Variants in TOPAZ1 observed in about 807,000 individuals in gnomAD.
TOPAZ1 encodes protein TOPAZ1.
Under a neutral mutation model 172.2 loss-of-function variants are expected in TOPAZ1, and 66 were observed. That is an observed-to-expected ratio of 0.38 (90% CI 0.31 to 0.47). TOPAZ1 has a LOEUF of 0.47. Ranked by LOEUF, TOPAZ1 falls within the 20% of genes least tolerant of loss-of-function variation. TOPAZ1 has a pLI of 0.99. For synonymous variants in TOPAZ1, 681 were observed against 683.9 expected (o/e 1.00, Z 0.07); for missense variants, 1,822 against 1,972.4 (o/e 0.92, Z 1.44).
Position 44,242,017 on chromosome 3 carries a change from G to A in TOPAZ1, c.-37G>A, listed in dbSNP as rs1264628572. ...GCACCGCGGTGGGTTCCTGCGAGCT[G>A]GTGCAGAGGGGCCCCAGCGGGCCGG... On this transcript the variant is annotated 5_prime_UTR_variant, in exon 1 of 20. Transcript: ENST00000309765. 2.0e-6 allele frequency: 3 copies of A among 1,527,258 alleles called. No homozygotes were observed. Among genetic ancestry groups the A allele is most frequent in the Middle Eastern group, 2.3e-4 (1 of 4,322 alleles). 94.6% of individuals were successfully genotyped at this position (1,527,258 alleles called of 1,614,324 possible). A position where few individuals can be genotyped will look rare whatever the true frequency, so the allele number is the denominator to read the frequency against.
rs116316873 is a variant in TOPAZ1, at chr3:44,281,055, C to G, written c.3373-913C>G. On this transcript the variant is annotated intron_variant, in intron 8 of 19. Coordinates refer to ENST00000309765, the MANE Select transcript of TOPAZ1 (RefSeq NM_001145030.2). ...CAAGGGCCAAGGGACTCTGTCATGG[C>G]TAGGATTATAGGAGTCTGCAGCCGG... 8.9e-3 allele frequency among the ~76,000 whole-genome samples: 1,355 copies of G among 152,282 alleles called. 20 individuals are homozygous for G. Among genetic ancestry groups the G allele is most frequent in the African/African-American group, 0.031 (1,308 of 41,562 alleles).
intron 8 of TOPAZ1, among the ~76,000 whole-genome samples, chr3:44,279,396 C>T (rs1165902159): frequency 1.3e-5 from 2 of 152,104 alleles, no homozygotes; most frequent in African/African-American, 4.8e-5. Context: ...GATGTTCTGT[C>T]TAATGCTGAG....
Position 44,321,019 on chromosome 3 carries a change from T to G in TOPAZ1, c.4307-8T>G, listed in dbSNP as rs1700501224. On this transcript the variant is annotated splice_polypyrimidine_tract_variant and splice_region_variant and intron_variant, in intron 16 of 19. Coordinates refer to ENST00000309765, the MANE Select transcript of TOPAZ1 (RefSeq NM_001145030.2). ...TATAAACTATTCATATTTTTTTCTT[T>G]TTGGAAGAGTCAGAGTGGATAATCA... 6.5e-7 allele frequency: 1 copy of G among 1,529,606 alleles called. No individual in the cohort carries two copies. The highest frequency in any genetic ancestry group is 1.4e-5 in the African/African-American group (1 of 72,010). The allele number at this position is 1,529,606 out of a possible 1,614,324, so 94.8% of individuals were successfully genotyped here.
chr3:44,328,250 G>T lies in TOPAZ1; in HGVS notation c.4676G>T (p.Ser1559Ile). 1.4e-6 allele frequency: 2 copies of T among 1,470,688 alleles called. No individual in the cohort carries two copies. The highest frequency in any genetic ancestry group is 9.0e-7 in the Non-Finnish European group (1 of 1,116,122). The allele number at this position is 1,470,688 out of a possible 1,614,324, so 91.1% of individuals were successfully genotyped here. A position where few individuals can be genotyped will look rare whatever the true frequency, so the allele number is the denominator to read the frequency against. The change falls in exon 19 of 20, where the codon AGT becomes ATT. Residue 1559 changes from serine (S) to isoleucine (I), a missense_variant and splice_region_variant. This residue lies in a region of TOPAZ1 where 333 missense variants were observed against 481.7 expected (regional missense o/e 0.69). Coordinates refer to ENST00000309765, the MANE Select transcript of TOPAZ1 (RefSeq NM_001145030.2). Reference sequence around the variant, plus strand: ...TTTGACCTATTATTTGATTTTTCAGGTGCTCTTTCCTTGGGTTGCTACCCA... The same window carrying T: ...TTTGACCTATTATTTGATTTTTCAGTTGCTCTTTCCTTGGGTTGCTACCCA... ...LWLKARAHYK[S>I]ALSLGCYPPL...
chr3:44,278,329 A>G (rs1699986387), intron 8 of TOPAZ1, among the ~76,000 whole-genome samples: 1 of 152,146 alleles, frequency 6.6e-6, no homozygotes, highest in African/African-American at 2.4e-5. Context: ...GTATTGACCT[A>G]TAGTTTTTAC....
At chr3:44,301,628 T>C (rs1443247441) in intron 12 of TOPAZ1, among the ~76,000 whole-genome samples, 1 of 152,214 alleles carries the variant, frequency 6.6e-6, no homozygotes, top group Admixed American at 6.5e-5. Flanking sequence ...GAGCATTTTC[T>C]GTTCGTATAT....
At position 44,323,109 on chromosome 3, in the gene TOPAZ1, C is replaced by T; in HGVS notation, c.4489C>T (p.Gln1497Ter). The change falls in exon 18 of 20, where the codon CAA becomes TAA. Residue 1497 changes from glutamine (Q) to a stop codon, truncating the protein, a stop_gained. Transcript: ENST00000309765. LOFTEE classifies it high-confidence loss of function. ...QNSQETVEVS[Q>*]YSLLFNKLLG... ...TATTCCAGAAACTGTGGAAGTCTCA[C>T]AATATAGCCTTCTTTTTAATAAGCT... The T allele has an allele frequency of 1.3e-6, 2 of 1,536,462 alleles. No individual in the cohort carries two copies. Among genetic ancestry groups the T allele is most frequent in the Non-Finnish European group, 1.8e-6 (2 of 1,140,452 alleles).
At chr3:44,257,284 C>T (rs1184194736) in intron 4 of TOPAZ1, among the ~76,000 whole-genome samples, 2 of 150,202 alleles carry the variant, frequency 1.3e-5, no homozygotes, top group African/African-American at 2.5e-5. Flanking sequence ...TGCAGTGAGC[C>T]ATGTTCGGGC....
chr3:44,277,829 T>C (rs1340924404), intron 8 of TOPAZ1, among the ~76,000 whole-genome samples: 1 of 152,134 alleles, frequency 6.6e-6, no homozygotes, highest in Non-Finnish European at 1.5e-5. Context: ...GCTTTCACCA[T>C]GTGATGTGCC....
chr3:44,297,737 A>G (rs1700215292), intron 12 of TOPAZ1, among the ~76,000 whole-genome samples: 1 of 125,610 alleles, frequency 8.0e-6, no homozygotes, highest in South Asian at 3.6e-4. Context: ...ATGCCAAGGA[A>G]TGTACCAAAA....
chr3:44,335,170 C>T (rs565707735), downstream of TOPAZ1, among the ~76,000 whole-genome samples: 1 of 152,070 alleles, frequency 6.6e-6, no homozygotes, highest in African/African-American at 2.4e-5. Context: ...TGGGATAGGG[C>T]CAAAGCTTGA....
At chr3:44,288,640 G>C (rs555160885) in intron 11 of TOPAZ1, among the ~76,000 whole-genome samples, 1 of 152,214 alleles carries the variant, frequency 6.6e-6, no homozygotes, top group East Asian at 1.9e-4. Context: ...AGCCAAGATT[G>C]TGCCATAACC....
rs1362988678 is a variant in TOPAZ1, at chr3:44,243,102, A to G, written c.596A>G (p.Gln199Arg). 2.6e-6 allele frequency: 4 copies of G among 1,548,682 alleles called. No individual in the cohort carries two copies. The highest frequency in any genetic ancestry group is 3.5e-6 in the Non-Finnish European group (4 of 1,145,872). The change falls in exon 2 of 20, where the codon CAA (glutamine) becomes CGA (arginine). Residue 199 changes from glutamine (Q) to arginine (R), a missense_variant. Coordinates refer to ENST00000309765, the MANE Select transcript of TOPAZ1 (RefSeq NM_001145030.2). ...EATQNIKVEF[Q>R]DELYKNTPKY... ...ACACAAAATATTAAGGTTGAATTCC[A>G]AGATGAACTGTACAAGAATACTCCA...
chr3:44,311,287 G>A (rs1700395704), intron 16 of TOPAZ1, among the ~76,000 whole-genome samples: 1 of 152,174 alleles, frequency 6.6e-6, no homozygotes, highest in South Asian at 2.1e-4. Context: ...TAGTCAGTGA[G>A]GTTTCCTAAG....
chr3:44,320,554 C>A (rs928625751), intron 16 of TOPAZ1, among the ~76,000 whole-genome samples: 1 of 151,990 alleles, frequency 6.6e-6, no homozygotes, highest in Non-Finnish European at 1.5e-5. Context: ...GCCAAGATTG[C>A]GCCACTGCAC....
chr3:44,305,749 A>G (rs1324653784), intron 14 of TOPAZ1, among the ~76,000 whole-genome samples: 1 of 152,164 alleles, frequency 6.6e-6, no homozygotes, highest in Non-Finnish European at 1.5e-5. Flanking sequence ...AATATTTTCC[A>G]TGTTGTGGAT....
Position 44,304,017 on chromosome 3 carries a change from T to G in TOPAZ1, c.3800T>G (p.Leu1267Ter). 1 of 1,532,282 alleles carries G rather than the reference T, an allele frequency of 6.5e-7. No homozygotes were observed. The highest frequency in any genetic ancestry group is 1.4e-5 in the African/African-American group (1 of 72,620). The allele number at this position is 1,532,282 out of a possible 1,614,324, so 94.9% of individuals were successfully genotyped here. A position where few individuals can be genotyped will look rare whatever the true frequency, so the allele number is the denominator to read the frequency against. Residue 1267 changes from leucine to a stop codon, truncating the protein, a stop_gained and splice_region_variant, in exon 13 of 20, where the codon TTA becomes TGA. Coordinates refer to ENST00000309765, the MANE Select transcript of TOPAZ1 (RefSeq NM_001145030.2). LOFTEE classifies it high-confidence loss of function. ...ITAVLEMKSR[L>*]QMRRFKKNWK... ...TTAACTCTTTTCTTTTGTTAAAGGTTACAGATGAGACGATTTAAAAAGAAC... is the reference window on the plus strand; with the variant it reads ...TTAACTCTTTTCTTTTGTTAAAGGTGACAGATGAGACGATTTAAAAAGAAC...
At chr3:44,319,620 C>T (rs920670100) in intron 16 of TOPAZ1, among the ~76,000 whole-genome samples, 1 of 152,128 alleles carries the variant, frequency 6.6e-6, no homozygotes, top group African/African-American at 2.4e-5. Flanking sequence ...AATTCATTTA[C>T]ATTTCTCTCT....
intron 4 of TOPAZ1, 93 bp from the exon 5 acceptor site, chr3:44,262,326 C>G (rs1327837261): frequency 1.9e-6 from 1 of 524,042 alleles, no homozygotes; most frequent in Non-Finnish European, 3.2e-6. Context: ...TAATTAACAT[C>G]TAATACATTA....
Sources: gnomAD v4.1 joint callset for allele counts (sites outside exome capture counted in the v4.1 genomes callset) on GRCh38, gnomAD v4.1.1 for gene constraint, gnomAD v4.1.1 regional missense constraint, MANE v1.5 for transcripts, NCBI Gene and HGNC (gene_info 2026-07-23, HGNC 2026-07-21) for gene names.